METTL16: variants seen among roughly 807,000 people sequenced by gnomAD.
METTL16 encodes the protein methyltransferase 16, RNA N6-adenosine.
A neutral mutation model predicts 57.9 loss-of-function variants in METTL16; 19 were observed. The observed-to-expected ratio is 0.33, with a 90% CI of 0.23 to 0.48. METTL16 has a LOEUF of 0.48. METTL16 is among the 20% of genes least tolerant of loss of function. The probability of loss-of-function intolerance (pLI) is 0.99; values close to 1 mark genes in which losing one functional copy is unlikely to be tolerated. For synonymous variants in METTL16, 246 were observed against 255.6 expected, an observed-to-expected ratio of 0.96 and a Z score of 0.36; for missense variants, 434 against 691.5, an observed-to-expected ratio of 0.63 and a Z score of 4.18.
intron 4 of METTL16, among the ~76,000 whole-genome samples, chr17:2,468,186 C>T (rs1597458731): frequency 6.6e-6 from 1 of 152,226 alleles, no homozygotes; most frequent in Non-Finnish European, 1.5e-5. Context: ...TGTGAGCACA[C>T]ACTACGATGA....
At chr17:2,488,489 G>A (rs1379844479) in intron 2 of METTL16, among the ~76,000 whole-genome samples, 4 of 151,972 alleles carry the variant, frequency 2.6e-5, no homozygotes, top group Admixed American at 6.6e-5. Flanking sequence ...CCCGGGAGGC[G>A]GATAGGTTGC....
intron 8 of METTL16, among the ~76,000 whole-genome samples, chr17:2,432,218 G>A (rs2066878431): frequency 6.6e-6 from 1 of 152,144 alleles, no homozygotes; most frequent in Non-Finnish European, 1.5e-5. Context: ...CCAAAGTGCT[G>A]GGATTACAGG....
intron 6 of METTL16, among the ~76,000 whole-genome samples, chr17:2,456,946 CTTT>C (rs746325149): frequency 7.0e-6 from 1 of 143,748 alleles, no homozygotes; most frequent in Non-Finnish European, 1.5e-5. Context: ...TGCACCCGGC[CTTT>C]TTTTTTTTTT....
At chr17:2,433,398 C>T (rs772148592) in intron 8 of METTL16, among the ~76,000 whole-genome samples, 3 of 151,958 alleles carry the variant, frequency 2.0e-5, no homozygotes, top group African/African-American at 4.8e-5. Flanking sequence ...TGGTAGGTGG[C>T]CACTCAGGAG....
intron 2 of METTL16, among the ~76,000 whole-genome samples, chr17:2,494,026 T>A (rs1282700941): frequency 6.6e-6 from 1 of 152,166 alleles, no homozygotes; most frequent in Non-Finnish European, 1.5e-5. Context: ...TTTAAAAAAC[T>A]TTTTAAAGAT....
intron 2 of METTL16, among the ~76,000 whole-genome samples, chr17:2,495,970 C>T (rs2067442238): frequency 6.7e-6 from 1 of 149,972 alleles, no homozygotes; most frequent in South Asian, 2.1e-4. Flanking sequence ...ATTATTTGGG[C>T]GTGGCAGTGC....
intron 2 of METTL16, among the ~76,000 whole-genome samples, chr17:2,500,182 A>G (rs2067477026): frequency 6.6e-6 from 1 of 152,318 alleles, no homozygotes; most frequent in Non-Finnish European, 1.5e-5. Context: ...GTCTTGCCCC[A>G]GGGCCTCCAT....
At chr17:2,477,116 TGG>T (rs1402547762) in intron 3 of METTL16, among the ~76,000 whole-genome samples, 3 of 152,040 alleles carry the variant, frequency 2.0e-5, no homozygotes, top group African/African-American at 7.2e-5. Context: ...CCAAGGCAGG[TGG>T]ACTGCTTGAG....
At chr17:2,444,078 A>C (rs1597446194) in intron 6 of METTL16, among the ~76,000 whole-genome samples, 2 of 152,208 alleles carry the variant, frequency 1.3e-5, no homozygotes, top group East Asian at 3.8e-4. Context: ...GTTTGATTGA[A>C]TCATTTAACA....
At chr17:2,499,421 C>T (rs1469791895) in intron 2 of METTL16, among the ~76,000 whole-genome samples, 1 of 147,754 alleles carries the variant, frequency 6.8e-6, no homozygotes, top group Non-Finnish European at 1.5e-5. Context: ...CTCACCTCAG[C>T]CTCTCATGTA....
At chr17:2,476,426 G>A (rs2067268699) in intron 3 of METTL16, among the ~76,000 whole-genome samples, 1 of 152,182 alleles carries the variant, frequency 6.6e-6, no homozygotes, top group South Asian at 2.1e-4. Flanking sequence ...CCAGTATCTA[G>A]TGGTCAGCTA....
chr17:2,441,938 A>C (rs1023000372), intron 6 of METTL16, among the ~76,000 whole-genome samples: 1 of 152,214 alleles, frequency 6.6e-6, no homozygotes, highest in African/African-American at 2.4e-5. Context: ...AGAACTCAAG[A>C]TTAGATCCAG....
At chr17:2,422,242 C>T (rs1376768786) in intron 8 of METTL16, among the ~76,000 whole-genome samples, 1 of 151,072 alleles carries the variant, frequency 6.6e-6, no homozygotes, top group Non-Finnish European at 1.5e-5. Flanking sequence ...AACCCAGGAG[C>T]CAAAGGTTGC....
chr17:2,503,146 G>A (rs1293478432), intron 1 of METTL16, among the ~76,000 whole-genome samples: 1 of 152,218 alleles, frequency 6.6e-6, no homozygotes, highest in Admixed American at 6.5e-5. Context: ...TATTTGTACA[G>A]CAGTGTTCAT....
chr17:2,443,763 T>C (rs1225456925), intron 6 of METTL16, among the ~76,000 whole-genome samples: 2 of 152,204 alleles, frequency 1.3e-5, no homozygotes, highest in Non-Finnish European at 2.9e-5. Context: ...CCTCCCGAAG[T>C]GCGGGGATTA....
At chr17:2,483,077 TGTAAATA>T (rs1227075963) in intron 2 of METTL16, among the ~76,000 whole-genome samples, 7 of 148,482 alleles carry the variant, frequency 4.7e-5, no homozygotes, top group Non-Finnish European at 8.9e-5. Context: ...GTGAAATGAA[TGTAAATA>T]GTAAACTCAT....
chr17:2,466,723 C>T (rs540053406), intron 5 of METTL16, among the ~76,000 whole-genome samples: 1 of 152,260 alleles, frequency 6.6e-6, no homozygotes, highest in South Asian at 2.1e-4. Flanking sequence ...ATACCTTATA[C>T]AATGTGAATG....
At chr17:2,489,746 A>AAAAAAAAAAAAAAAG (rs1305425330) in intron 2 of METTL16, among the ~76,000 whole-genome samples, 1 of 150,528 alleles carries the variant, frequency 6.6e-6, no homozygotes, top group Non-Finnish European at 1.5e-5. Flanking sequence ...AAAAAAAAAA[A>AAAAAAAAAAAAAAAG]AAACGAATAC....
intron 6 of METTL16, chr17:2,455,087 CTTTTTT>C: frequency 1.8e-4 from 20 of 111,880 alleles, no homozygotes; most frequent in South Asian, 6.4e-4. Flanking sequence ...TGCCCAGGTA[CTTTTTT>C]TTTTTTTTTT....
Sources: allele counts gnomAD v4.1 joint callset (sites outside exome capture counted in the v4.1 genomes callset), GRCh38; gene constraint gnomAD v4.1.1; transcripts MANE v1.5; gene names NCBI Gene and HGNC (gene_info 2026-07-23, HGNC 2026-07-21).